Variants in NTNG1 observed in about 807,000 individuals in gnomAD.
The protein encoded by NTNG1 is netrin G1, also known as netrin-G1.
A neutral mutation model predicts 54.0 loss-of-function variants in NTNG1; 16 were observed. That is an observed-to-expected ratio of 0.30 (90% confidence interval 0.20 to 0.45). The LOEUF (loss-of-function observed/expected upper bound fraction) is 0.45. Ranked by LOEUF, NTNG1 falls within the 20% of genes least tolerant of loss-of-function variation. The pLI is 1.00. For synonymous variants in NTNG1, 255 were observed against 263.1 expected (o/e 0.97, Z 0.30); for missense variants, 530 against 678.7 (o/e 0.78, Z 2.43).
chr1:107,407,659 T>A (rs1372822167), intron 4 of NTNG1, 23 bp from the exon 5 acceptor site: 1 of 1,584,890 alleles, frequency 6.3e-7, no homozygotes, highest in African/African-American at 1.4e-5. Context: ...ACAGCTTTTC[T>A]TTATTGTTTT....
At chr1:107,445,231 G>C (rs34586704) in intron 7 of NTNG1, among the ~76,000 whole-genome samples, 3 of 152,024 alleles carry the variant, frequency 2.0e-5, no homozygotes, top group Non-Finnish European at 2.9e-5. Context: ...TCTTGTTCTA[G>C]GTGTAACTCC....
At chr1:107,374,002 A>G (rs1260524229) in intron 3 of NTNG1, among the ~76,000 whole-genome samples, 5 of 152,286 alleles carry the variant, frequency 3.3e-5, no homozygotes, top group Middle Eastern at 3.4e-3. Context: ...ACACTCAGCC[A>G]CAGACTTCTA....
intron 3 of NTNG1, among the ~76,000 whole-genome samples, chr1:107,334,724 C>G (rs1168344344): frequency 2.0e-5 from 3 of 151,988 alleles, no homozygotes; most frequent in African/African-American, 7.2e-5. Context: ...AATTTAGACT[C>G]AGAGGGAACT....
intron 7 of NTNG1, 75 bp from the exon 8 acceptor site, chr1:107,480,536 T>A: frequency 2.3e-6 from 2 of 866,556 alleles, no homozygotes; most frequent in South Asian, 3.4e-5. Context: ...AAACATGATG[T>A]ACCAGATGAA....
intron 2 of NTNG1, among the ~76,000 whole-genome samples, chr1:107,218,704 A>G (rs1399889120): frequency 3.9e-5 from 6 of 152,108 alleles, no homozygotes; most frequent in Non-Finnish European, 8.8e-5. Context: ...TCTTTCCTTC[A>G]TTTATGAGGC....
chr1:107,375,842 C>G (rs1391893517), intron 3 of NTNG1, among the ~76,000 whole-genome samples: 5 of 152,206 alleles, frequency 3.3e-5, no homozygotes, highest in Non-Finnish European at 7.3e-5. Context: ...TTGGTATTCA[C>G]ACTTTTTTGC....
At chr1:107,237,331 T>C (rs1371593292) in intron 2 of NTNG1, among the ~76,000 whole-genome samples, 1 of 152,194 alleles carries the variant, frequency 6.6e-6, no homozygotes, top group Non-Finnish European at 1.5e-5. Context: ...ATTCAAGAGA[T>C]GACCTGGGTG....
chr1:107,215,210 A>G (rs1346864644), intron 2 of NTNG1, among the ~76,000 whole-genome samples: 1 of 152,180 alleles, frequency 6.6e-6, no homozygotes, highest in South Asian at 2.1e-4. Flanking sequence ...TGCCTGAGCC[A>G]ATGTCGAGAA....
At chr1:107,241,002 T>C (rs977015007) in intron 2 of NTNG1, among the ~76,000 whole-genome samples, 1 of 152,192 alleles carries the variant, frequency 6.6e-6, no homozygotes, top group Admixed American at 6.5e-5. Flanking sequence ...ACTAATTACA[T>C]GATTCCCTTA....
chr1:107,183,333 C>A (rs1657211360), intron 2 of NTNG1, among the ~76,000 whole-genome samples: 1 of 152,128 alleles, frequency 6.6e-6, no homozygotes, highest in South Asian at 2.1e-4. Flanking sequence ...CCCTCATTTG[C>A]ATTTAGACTA....
chr1:107,407,141 C>T (rs950109543), intron 4 of NTNG1, among the ~76,000 whole-genome samples: 1 of 151,968 alleles, frequency 6.6e-6, no homozygotes, highest in African/African-American at 2.4e-5. Flanking sequence ...ACACATCTGA[C>T]AAGTAAAAGA....
intron 3 of NTNG1, among the ~76,000 whole-genome samples, chr1:107,330,441 A>T (rs1363678278): frequency 6.6e-6 from 1 of 152,180 alleles, no homozygotes; most frequent in Non-Finnish European, 1.5e-5. Context: ...CAAGTGGAGA[A>T]TCCAGAAAAG....
intron 3 of NTNG1, among the ~76,000 whole-genome samples, chr1:107,361,911 T>C (rs145987813): frequency 6.2e-4 from 95 of 152,264 alleles, no homozygotes; most frequent in Middle Eastern, 3.4e-3. Flanking sequence ...CACTATTTTG[T>C]AGAATCTTAG....
chr1:107,226,325 A>T (rs1660679938), intron 2 of NTNG1, among the ~76,000 whole-genome samples: 2 of 152,170 alleles, frequency 1.3e-5, no homozygotes, highest in African/African-American at 4.8e-5. Context: ...CCTCCCTGCT[A>T]TTCAGATGCA....
intron 7 of NTNG1, among the ~76,000 whole-genome samples, chr1:107,478,612 G>A (rs1434715804): frequency 6.6e-6 from 1 of 151,964 alleles, no homozygotes; most frequent in Non-Finnish European, 1.5e-5. Context: ...AGCAATTATC[G>A]ATATTGATGG....
At chr1:107,418,584 T>C in intron 5 of NTNG1, 3 of 1,600,974 alleles carry the variant, frequency 1.9e-6, no homozygotes, top group South Asian at 1.1e-5. Context: ...GTGCAGATCC[T>C]CCAAAGTTTA....
At chr1:107,333,546 A>T (rs2101903137) in intron 3 of NTNG1, among the ~76,000 whole-genome samples, 1 of 152,150 alleles carries the variant, frequency 6.6e-6, no homozygotes, top group South Asian at 2.1e-4. Context: ...AACATATATT[A>T]GTACCCATAA....
intron 5 of NTNG1, 130 bp downstream of exon 5, chr1:107,407,838 C>A: frequency 1.2e-6 from 1 of 834,576 alleles, no homozygotes; most frequent in Non-Finnish European, 2.1e-6. Context: ...TTGTGAATTG[C>A]ATTTTTGTGT....
intron 3 of NTNG1, among the ~76,000 whole-genome samples, chr1:107,391,241 G>A (rs767401175): frequency 1.3e-5 from 2 of 152,190 alleles, no homozygotes; most frequent in Non-Finnish European, 2.9e-5. Context: ...CCATGTAACA[G>A]AGCTTGGACT....
Sources: allele counts gnomAD v4.1 joint callset (sites outside exome capture counted in the v4.1 genomes callset), GRCh38; gene constraint gnomAD v4.1.1; transcripts MANE v1.5; gene names NCBI Gene and HGNC (gene_info 2026-07-23, HGNC 2026-07-21).